Variants in ALK observed in about 807,000 individuals in gnomAD.
ALK encodes the protein ALK receptor tyrosine kinase.
A neutral mutation model predicts 163.1 loss-of-function variants in ALK; 74 were observed. The observed-to-expected ratio is 0.45, with a 90% confidence interval of 0.38 to 0.55. The LOEUF (loss-of-function observed/expected upper bound fraction) is 0.55. Ranked by LOEUF, ALK falls within the 20% of genes least tolerant of loss-of-function variation. ALK has a pLI of 0.00. For synonymous variants in ALK, 960 were observed against 843.2 expected (o/e 1.14, Z -2.40); for missense variants, 2,063 against 2,105.3 (o/e 0.98, Z 0.39).
At chr2:29,700,284 G>A (rs368688828) in intron 2 of ALK, among the ~76,000 whole-genome samples, 55 of 152,282 alleles carry the variant, frequency 3.6e-4, no homozygotes, top group African/African-American at 1.2e-3. Flanking sequence ...AGTGACTCAC[G>A]CCTGTAATCC....
intron 4 of ALK, among the ~76,000 whole-genome samples, chr2:29,497,758 T>C (rs1222254182): frequency 6.6e-6 from 1 of 152,140 alleles, no homozygotes; most frequent in Non-Finnish European, 1.5e-5. Context: ...GTTTCGGTCA[T>C]GTAGGGTGCC....
At chr2:29,382,111 G>T (rs7608573) in intron 5 of ALK, among the ~76,000 whole-genome samples, 36,116 of 152,096 alleles carry the variant, frequency 0.24, 4,539 homozygotes, top group Middle Eastern at 0.34. Context: ...TGGACCATGA[G>T]AACTTCCCCA....
chr2:29,667,905 C>T (rs1450097671), intron 3 of ALK, among the ~76,000 whole-genome samples: 1 of 152,044 alleles, frequency 6.6e-6, no homozygotes, highest in African/African-American at 2.4e-5. Flanking sequence ...AGCAGGGAAA[C>T]CATCTGGTCC....
intron 4 of ALK, among the ~76,000 whole-genome samples, chr2:29,440,324 T>C: frequency 6.6e-6 from 1 of 151,046 alleles, no homozygotes. Context: ...ATCAATTTTT[T>C]TTTTTTTTTT....
chr2:29,255,593 C>T (rs891482001), intron 11 of ALK, among the ~76,000 whole-genome samples: 2 of 152,088 alleles, frequency 1.3e-5, no homozygotes, highest in African/African-American at 2.4e-5. Context: ...GGAGAAGGAA[C>T]CAAAATTGAG....
intron 1 of ALK, among the ~76,000 whole-genome samples, chr2:29,757,540 T>A (rs1680571047): frequency 6.6e-6 from 1 of 152,228 alleles, no homozygotes; most frequent in East Asian, 1.9e-4. Context: ...AGCAAGTCAT[T>A]TTTTCATATA....
intron 4 of ALK, among the ~76,000 whole-genome samples, chr2:29,509,002 G>T (rs1166569165): frequency 1.3e-5 from 2 of 152,154 alleles, no homozygotes; most frequent in African/African-American, 4.8e-5. Context: ...AAGGGAAAAA[G>T]AAATGGATGT....
chr2:29,685,310 T>C (rs1471444719), intron 3 of ALK, among the ~76,000 whole-genome samples: 1 of 152,142 alleles, frequency 6.6e-6, no homozygotes, highest in Non-Finnish European at 1.5e-5. Flanking sequence ...GTAGTAGCCT[T>C]ATCCCAGGTG....
At chr2:29,841,194 T>A (rs1016696002) in intron 1 of ALK, among the ~76,000 whole-genome samples, 2 of 151,886 alleles carry the variant, frequency 1.3e-5, no homozygotes, top group African/African-American at 4.8e-5. Context: ...ATTACCCCCA[T>A]CATTTAAAAA....
chr2:29,221,420 T>C (rs1292983446), intron 22 of ALK, among the ~76,000 whole-genome samples: 1 of 152,060 alleles, frequency 6.6e-6, no homozygotes, highest in Non-Finnish European at 1.5e-5. Context: ...TGGGCCAACA[T>C]GCATGTGTGT....
chr2:29,268,828 T>C (rs535599736), intron 11 of ALK, among the ~76,000 whole-genome samples: 1 of 152,318 alleles, frequency 6.6e-6, no homozygotes, highest in South Asian at 2.1e-4. Context: ...GTGGGTCAAG[T>C]CACATAATCT....
intron 1 of ALK, among the ~76,000 whole-genome samples, chr2:29,781,630 C>T (rs1572374089): frequency 6.6e-6 from 1 of 152,164 alleles, no homozygotes; most frequent in Non-Finnish European, 1.5e-5. Context: ...GGGTGATGAA[C>T]GGTACTGAGG....
intron 1 of ALK, among the ~76,000 whole-genome samples, chr2:29,883,192 C>A (rs986095296): frequency 6.6e-6 from 1 of 151,922 alleles, no homozygotes; most frequent in Non-Finnish European, 1.5e-5. Context: ...AAAAGAAGTA[C>A]AGCATTAAAG....
chr2:29,656,873 G>T (rs889492730), intron 3 of ALK, among the ~76,000 whole-genome samples: 1 of 151,714 alleles, frequency 6.6e-6, no homozygotes, highest in African/African-American at 2.4e-5. Flanking sequence ...ATCCCTTTTT[G>T]CAGGGAAAAA....
At chr2:29,433,787 G>T (rs980946756) in intron 4 of ALK, among the ~76,000 whole-genome samples, 1 of 152,096 alleles carries the variant, frequency 6.6e-6, no homozygotes, top group African/African-American at 2.4e-5. Flanking sequence ...GAATCTATGG[G>T]TATGGGTATA....
At chr2:29,804,995 T>C (rs1664570996) in intron 1 of ALK, among the ~76,000 whole-genome samples, 1 of 152,342 alleles carries the variant, frequency 6.6e-6, no homozygotes, top group South Asian at 2.1e-4. Context: ...TCTACTATCT[T>C]GTCTGGTTTC....
intron 4 of ALK, 73 bp downstream of exon 4, chr2:29,531,842 G>T: frequency 1.4e-6 from 2 of 1,478,062 alleles, no homozygotes; most frequent in Non-Finnish European, 9.4e-7. Context: ...AGATGTCACA[G>T]ACTCTGGAAA....
chr2:29,531,102 G>A (rs1673107309), intron 4 of ALK, among the ~76,000 whole-genome samples: 1 of 152,142 alleles, frequency 6.6e-6, no homozygotes, highest in Non-Finnish European at 1.5e-5. Flanking sequence ...CTTCTGAAAA[G>A]GTATTCTCTT....
At chr2:29,860,927 T>C (rs941231589) in intron 1 of ALK, among the ~76,000 whole-genome samples, 4 of 152,064 alleles carry the variant, frequency 2.6e-5, no homozygotes. Context: ...AGAAAGTAAT[T>C]TGGGAGGCCA....
Sources: allele counts gnomAD v4.1 joint callset (sites outside exome capture counted in the v4.1 genomes callset), GRCh38; gene constraint gnomAD v4.1.1; transcripts MANE v1.5; gene names NCBI Gene and HGNC (gene_info 2026-07-23, HGNC 2026-07-21).